Variants in TBX4 observed in about 807,000 individuals in gnomAD.
TBX4 encodes T-box transcription factor TBX4.
TBX4 carries 13 observed loss-of-function variants against 54.6 expected under a neutral mutation model. That is an observed-to-expected ratio of 0.24 (90% CI 0.15 to 0.38). The LOEUF (loss-of-function observed/expected upper bound fraction) is 0.38, where lower values mean the gene tolerates loss of function less well. Among genes scored for constraint, TBX4 ranks in the 10% least tolerant of loss-of-function variants. The probability of loss-of-function intolerance (pLI) is 1.00; values close to 1 mark genes in which losing one functional copy is unlikely to be tolerated. For missense variants in TBX4, 631 were observed against 728.5 expected, an observed-to-expected ratio of 0.87 and a Z score of 1.54; for synonymous variants, 314 against 306.7, an observed-to-expected ratio of 1.02 and a Z score of -0.25.
chr17:61,467,601 C>T lies in TBX4; in HGVS notation c.493C>T (p.Leu165=). Residue 165 remains leucine (L), a synonymous_variant, in exon 5 of 9, where the codon CTG becomes TTG. Transcript: ENST00000644296. ...PATGAHWMRQ[L]VSFQKLKLTN... ...CACAGGAGCCCACTGGATGCGGCAG[C>T]TGGTCTCCTTCCAGAAGCTGAAGCT... 2 of 1,614,212 alleles carry T rather than the reference C, an allele frequency of 1.2e-6. No individual in the cohort carries two copies. Among genetic ancestry groups the T allele is most frequent in the Non-Finnish European group, 1.7e-6 (2 of 1,180,036 alleles).
Position 61,461,429 on chromosome 17 carries a change from C to T in TBX4, c.281+3798C>T, listed in dbSNP as rs1462162821. Among the ~76,000 whole-genome samples the T allele has an allele frequency of 2.6e-5, 4 of 152,130 alleles. No individual in the cohort carries two copies. Among genetic ancestry groups the T allele is most frequent in the East Asian group, 1.9e-4 (1 of 5,180 alleles). On this transcript the variant is annotated intron_variant, in intron 3 of 8. Coordinates refer to ENST00000644296, the MANE Select transcript of TBX4 (RefSeq NM_001321120.2). This position sits in a 1 kb window ranked among gnomAD's most constrained non-coding sequence, Gnocchi z 5.1. ...TTGGATGCTGGGCCCTGGCCTCTTC[C>T]CCGTACACCCAGGATTCCTCCTGAA... is the stretch of plus-strand genomic sequence containing the variant.
Position 61,465,687 on chromosome 17 carries a change from G to A in TBX4, c.282-132G>A, listed in dbSNP as rs996601221. The A allele has an allele frequency of 1.7e-5, 20 of 1,201,316 alleles. No individual in the cohort carries two copies. The highest frequency in any genetic ancestry group is 2.4e-5 in the Non-Finnish European group (20 of 823,080). 74.4% of individuals were successfully genotyped at this position (1,201,316 alleles called of 1,614,324 possible). A position where few individuals can be genotyped will look rare whatever the true frequency, so the allele number is the denominator to read the frequency against. On this transcript the variant is annotated intron_variant, in intron 3 of 8. Coordinates refer to ENST00000644296, the MANE Select transcript of TBX4 (RefSeq NM_001321120.2). The surrounding 1 kb of genome is among the most constrained non-coding windows in gnomAD (Gnocchi z 4.9). Reference sequence around the variant, plus strand: ...GGAAGTGAGTTGTGCAGGTCACACAGCTGTGACCAATGCCAGGATCGCTGG... The same window carrying A: ...GGAAGTGAGTTGTGCAGGTCACACAACTGTGACCAATGCCAGGATCGCTGG...
intron 5 of TBX4, among the ~76,000 whole-genome samples, chr17:61,468,298 C>T (rs2143827713): frequency 6.6e-6 from 1 of 152,338 alleles, no homozygotes; most frequent in Admixed American, 6.5e-5. Flanking sequence ...AGCCCAAGCT[C>T]ATTCTTTCCC....
chr17:61,456,577 C>G lies in TBX4; in HGVS notation c.87C>G (p.Ala29=). ...TCGGAGAGGCCAGCGCAGCCAACGC[C>G]CCCGAGCCCGCGCTGGCAGCGCCGG... ...PALGEASAAN[A]PEPALAAPGL... is the part of the protein sequence containing the mutation. Residue 29 remains alanine (A), a synonymous_variant, in exon 2 of 9, where the codon GCC becomes GCG. Transcript: ENST00000644296. 6.5e-7 allele frequency: 1 copy of G among 1,537,064 alleles called. No individual in the cohort carries two copies.
chr17:61,476,077 CTGTCTGG>C lies in TBX4; in HGVS notation c.550-2549_550-2543del, dbSNP rs2060618246. On this transcript the variant is annotated intron_variant, in intron 5 of 8. Coordinates refer to ENST00000644296, the MANE Select transcript of TBX4 (RefSeq NM_001321120.2). The surrounding 1 kb of genome is among the most constrained non-coding windows in gnomAD (Gnocchi z 6.5). Reference sequence around the variant, plus strand: ...AACCCGACCTTGCACTCACTAGATCCTGTCTGGGGGCAAAGGAGCCTGGAGGTACAAA... The same window carrying C: ...AACCCGACCTTGCACTCACTAGATCCGGGCAAAGGAGCCTGGAGGTACAAA... Among the ~76,000 whole-genome samples the C allele has an allele frequency of 6.6e-6, 1 of 152,176 alleles. No individual in the cohort carries two copies. Among genetic ancestry groups the C allele is most frequent in the African/African-American group, 2.4e-5 (1 of 41,434 alleles).
rs1366284433 is a variant in TBX4 at position 61,484,510 on chromosome 17, C to T, written c.*994C>T. 6.6e-6 allele frequency: 1 copy of T among 152,004 alleles called. No homozygotes were observed. The highest frequency in any genetic ancestry group is 1.5e-5 in the Non-Finnish European group (1 of 68,012). 9.4% of individuals were successfully genotyped at this position (152,004 alleles called of 1,614,324 possible). On this transcript the variant is annotated 3_prime_UTR_variant, in exon 9 of 9. Transcript: ENST00000644296. This position sits in a 1 kb window ranked among gnomAD's most constrained non-coding sequence, Gnocchi z 4.1. ...TCTCAGAAAATCTACGCTTCTGGAG[C>T]GAGAAAGGCCAACAGAAATAAAGAT...
rs758758874 is a variant in TBX4, at chr17:61,483,511, G to A, written c.1636G>A (p.Gly546Arg). ...GGGGACTGTGGAGAACTGGACTGAC[G>A]GATGACTCTCACGTCTCCTCCATAG... ...GMGTVENWTDG is the reference protein window; with the variant it reads ...GMGTVENWTDR The change falls in exon 9 of 9, where the codon GGA (glycine) becomes AGA (arginine). Residue 546 changes from glycine to arginine, a missense_variant. Gly to Arg is a moderately radical substitution (Grantham distance 125). Around this residue, in one of 3 missense-constraint regions of TBX4, gnomAD observed 354 missense variants for 368.9 expected, o/e 0.96. Transcript: ENST00000644296. The surrounding 1 kb of genome is among the most constrained non-coding windows in gnomAD (Gnocchi z 6.6). 2.3e-5 allele frequency: 37 copies of A among 1,613,938 alleles called. No individual in the cohort carries two copies. In the African/African-American group the frequency reaches 4.3e-4, roughly 19 times the overall value.
intron 1 of TBX4, among the ~76,000 whole-genome samples, chr17:61,454,744 T>A (rs907892973): frequency 1.3e-5 from 2 of 152,036 alleles, no homozygotes; most frequent in African/African-American, 2.4e-5. Context: ...CGCGTAGGAC[T>A]GAGAGCGCAG....
Position 61,479,776 on chromosome 17 carries a change from C to T in TBX4, c.703-105C>T, listed in dbSNP as rs1263714197. ...AGAAGCGGTGAGGCTGGAGAGCGAC[C>T]CCTGAGGGAGGGAGGTTACATGTTA... On this transcript the variant is annotated intron_variant, in intron 6 of 8. Transcript: ENST00000644296. The surrounding 1 kb of genome is among the most constrained non-coding windows in gnomAD (Gnocchi z 6.1). The T allele has an allele frequency of 8.3e-7, 1 of 1,208,530 alleles. No individual in the cohort carries two copies. Among genetic ancestry groups the T allele is most frequent in the African/African-American group, 1.5e-5 (1 of 66,886 alleles). 74.9% of individuals were successfully genotyped at this position (1,208,530 alleles called of 1,614,324 possible).
chr17:61,480,842 G>C lies in TBX4; in HGVS notation c.1021+523G>C, dbSNP rs2060658648. Among the ~76,000 whole-genome samples the C allele has an allele frequency of 6.6e-6, 1 of 152,158 alleles. No individual in the cohort carries two copies. ...CTATTGTGGATGTAGGTGGGGGCTG[G>C]GAAGACAAGCCACAGCACCCTCTGT... On this transcript the variant is annotated intron_variant, in intron 8 of 8. Transcript: ENST00000644296. The surrounding 1 kb of genome is among the most constrained non-coding windows in gnomAD (Gnocchi z 6.2).
At position 61,474,356 on chromosome 17, in the gene TBX4, G is replaced by A. The variant is rs1172498930; in HGVS notation, c.550-4271G>A. On this transcript the variant is annotated intron_variant, in intron 5 of 8. Transcript: ENST00000644296. The surrounding 1 kb of genome is among the most constrained non-coding windows in gnomAD (Gnocchi z 4.6). Reference sequence around the variant, plus strand: ...TGAGAGCAGTGTGTGCTCTCTCACAGGCCATCTGGATCCTGCTCCAGACTG... The same window carrying A: ...TGAGAGCAGTGTGTGCTCTCTCACAAGCCATCTGGATCCTGCTCCAGACTG... Among the ~76,000 whole-genome samples, 2 of 152,262 alleles carry A rather than the reference G, an allele frequency of 1.3e-5. No individual in the cohort carries two copies. Among genetic ancestry groups the A allele is most frequent in the African/African-American group, 2.4e-5 (1 of 41,544 alleles).
At chr17:61,468,577 C>G (rs1407543864) in intron 5 of TBX4, among the ~76,000 whole-genome samples, 1 of 152,198 alleles carries the variant, frequency 6.6e-6, no homozygotes, top group Non-Finnish European at 1.5e-5. Context: ...AAAACTCCAG[C>G]CATGCTTCTT....
At position 61,475,568 on chromosome 17, in the gene TBX4, T is replaced by G. The variant is rs58064562; in HGVS notation, c.550-3059T>G. ...TGTGCAAAAGGAATGGAGGGGCTTT[T>G]GTTTTATAGATAGAGTCACAGGAAT... On this transcript the variant is annotated intron_variant, in intron 5 of 8. Transcript: ENST00000644296. The surrounding 1 kb of genome is among the most constrained non-coding windows in gnomAD (Gnocchi z 5.0). 0.049 allele frequency among the ~76,000 whole-genome samples: 7,463 copies of G among 152,146 alleles called. 588 individuals are homozygous for G. The highest frequency in any genetic ancestry group is 0.17 in the African/African-American group (7,019 of 41,446).
At chr17:61,454,413 A>C (rs997127496) in intron 1 of TBX4, among the ~76,000 whole-genome samples, 11 of 152,266 alleles carry the variant, frequency 7.2e-5, no homozygotes, top group Non-Finnish European at 1.5e-4. Flanking sequence ...GTGGATGTGA[A>C]GGACGAGAGC....
chr17:61,480,034 C>T lies in TBX4; in HGVS notation c.792-56C>T, dbSNP rs2060652163. ...ATTCAGGCACGTGGCCTCTGTGACCCTCGATGTATCTTCACTCTCTTCCTG... is the reference window on the plus strand; with the variant it reads ...ATTCAGGCACGTGGCCTCTGTGACCTTCGATGTATCTTCACTCTCTTCCTG... On this transcript the variant is annotated intron_variant, in intron 7 of 8. Coordinates refer to ENST00000644296, the MANE Select transcript of TBX4 (RefSeq NM_001321120.2). The surrounding 1 kb of genome is among the most constrained non-coding windows in gnomAD (Gnocchi z 6.2). 1 of 1,611,720 alleles carries T rather than the reference C, an allele frequency of 6.2e-7. No individual in the cohort carries two copies. Among genetic ancestry groups the T allele is most frequent in the Non-Finnish European group, 8.5e-7 (1 of 1,177,878 alleles).
At position 61,481,142 on chromosome 17, in the gene TBX4, G is replaced by C. The variant is rs987240091; in HGVS notation, c.1021+823G>C. 6.6e-6 allele frequency among the ~76,000 whole-genome samples: 1 copy of C among 152,106 alleles called. No individual in the cohort carries two copies. Among genetic ancestry groups the C allele is most frequent in the African/African-American group, 2.4e-5 (1 of 41,420 alleles). On this transcript the variant is annotated intron_variant, in intron 8 of 8. Transcript: ENST00000644296. The surrounding 1 kb of genome is among the most constrained non-coding windows in gnomAD (Gnocchi z 4.8). Reference sequence around the variant, plus strand: ...ATTAGAACTCAATGACCTAGAGCACGGGTTGGCAAACTGTGGCCTTCGGAC... The same window carrying C: ...ATTAGAACTCAATGACCTAGAGCACCGGTTGGCAAACTGTGGCCTTCGGAC...
At chr17:61,469,889 C>T (rs3785830) in intron 5 of TBX4, among the ~76,000 whole-genome samples, 15,324 of 152,160 alleles carry the variant, frequency 0.1, 933 homozygotes, top group East Asian at 0.22. Context: ...GGAAAAGCCA[C>T]GTTGTATTGG....
At chr17:61,466,086 C>G in intron 4 of TBX4, 148 bp downstream of exon 4, 1 of 1,348,856 alleles carries the variant, frequency 7.4e-7, no homozygotes, top group Non-Finnish European at 1.0e-6. Flanking sequence ...ACTGGCTGTG[C>G]GGAGGCTGAG....
rs1360743485 is a variant in TBX4, at chr17:61,465,658, A to AG, written c.282-156dup. On this transcript the variant is annotated intron_variant, in intron 3 of 8. Transcript: ENST00000644296. This position sits in a 1 kb window ranked among gnomAD's most constrained non-coding sequence, Gnocchi z 4.9. Reference sequence around the variant, plus strand: ...CCTTTTCACTGTGCAGCTCGGGCAGAGGGGGAAGTGAGTTGTGCAGGTCAC... The same window carrying AG: ...CCTTTTCACTGTGCAGCTCGGGCAGAGGGGGGAAGTGAGTTGTGCAGGTCAC... 72 of 884,338 alleles carry AG rather than the reference A, an allele frequency of 8.1e-5. No homozygotes were observed. Among genetic ancestry groups the AG allele is most frequent in the Admixed American group, 2.2e-4 (12 of 55,420 alleles). 54.8% of individuals were successfully genotyped at this position (884,338 alleles called of 1,614,324 possible).
Sources: gnomAD v4.1 joint callset for allele counts (sites outside exome capture counted in the v4.1 genomes callset) on GRCh38, gnomAD v4.1.1 for gene constraint, gnomAD v4.1.1 regional missense constraint, Gnocchi (gnomAD v3.1) non-coding constraint, MANE v1.5 for transcripts, NCBI Gene and HGNC (gene_info 2026-07-23, HGNC 2026-07-21) for gene names.